The following CSMD1 variants were observed in gnomAD, a reference collection of about 807,000 sequenced individuals.
The protein encoded by CSMD1 is CUB and Sushi multiple domains 1, also known as CUB and sushi domain-containing protein 1.
In CSMD1, 213 loss-of-function variants were observed where a neutral mutation model predicts 417.5. The observed-to-expected ratio is 0.51, with a 90% CI of 0.46 to 0.57. The LOEUF (loss-of-function observed/expected upper bound fraction) is 0.57. CSMD1 is among the 20% of genes least tolerant of loss of function. The probability of loss-of-function intolerance (pLI) is 0.00; values close to 1 mark genes in which losing one functional copy is unlikely to be tolerated. For missense variants in CSMD1, 6,923 were observed against 4,529.7 expected (o/e 1.53, Z -15.17); for synonymous variants, 2,862 against 1,736.8 (o/e 1.65, Z -16.11).
chr8:4,616,225 C>G (rs147785717), intron 2 of CSMD1, among the ~76,000 whole-genome samples: 45 of 152,196 alleles, frequency 3.0e-4, no homozygotes, highest in African/African-American at 9.9e-4. Context: ...TACTTAGGAG[C>G]ACTTTGAGAA....
chr8:3,725,225 G>C (rs1183317645), intron 6 of CSMD1, among the ~76,000 whole-genome samples: 3 of 152,108 alleles, frequency 2.0e-5, no homozygotes, highest in Non-Finnish European at 4.4e-5. Flanking sequence ...GATTAGTGTT[G>C]CTAGGAAGGC....
chr8:3,790,507 T>C (rs1013427139), intron 5 of CSMD1, among the ~76,000 whole-genome samples: 3 of 152,210 alleles, frequency 2.0e-5, no homozygotes, highest in African/African-American at 7.2e-5. Flanking sequence ...ATGGTAATTA[T>C]GACGGTGATA....
At chr8:4,354,896 G>GTGTC (rs1414507040) in intron 3 of CSMD1, among the ~76,000 whole-genome samples, 1 of 150,096 alleles carries the variant, frequency 6.7e-6, no homozygotes, top group Non-Finnish European at 1.5e-5. Context: ...GTGTGTGTGT[G>GTGTC]TGTGTGTGTG....
At chr8:4,351,071 A>T (rs769220012) in intron 3 of CSMD1, among the ~76,000 whole-genome samples, 1 of 152,244 alleles carries the variant, frequency 6.6e-6, no homozygotes, top group Admixed American at 6.5e-5. Context: ...GTAATTCCAG[A>T]ACTTCAGGAG....
intron 18 of CSMD1, among the ~76,000 whole-genome samples, chr8:3,383,995 AT>A (rs1810804269): frequency 6.6e-6 from 1 of 152,146 alleles, no homozygotes; most frequent in Non-Finnish European, 1.5e-5. Flanking sequence ...GGATAATTTC[AT>A]TTATTTACAT....
At chr8:4,739,142 A>G (rs1034567182) in intron 1 of CSMD1, among the ~76,000 whole-genome samples, 13 of 152,226 alleles carry the variant, frequency 8.5e-5, no homozygotes, top group African/African-American at 2.9e-4. Flanking sequence ...ACACACACGC[A>G]TACACACACT....
chr8:3,807,273 T>G (rs1433496925), intron 5 of CSMD1, among the ~76,000 whole-genome samples: 1 of 152,184 alleles, frequency 6.6e-6, no homozygotes, highest in African/African-American at 2.4e-5. Context: ...AACAGAAACT[T>G]AAGCAACCTA....
chr8:2,986,006 G>C (rs940314793), intron 54 of CSMD1, among the ~76,000 whole-genome samples: 1 of 145,114 alleles, frequency 6.9e-6, no homozygotes, highest in Non-Finnish European at 1.5e-5. Context: ...AAGCGGAAGG[G>C]GAGAGAGGGA....
At chr8:3,960,382 C>T (rs1001443237) in intron 5 of CSMD1, among the ~76,000 whole-genome samples, 4 of 152,068 alleles carry the variant, frequency 2.6e-5, no homozygotes, top group Admixed American at 6.6e-5. Flanking sequence ...AAAAGCATGG[C>T]GTGAATGTCT....
chr8:3,400,663 C>G (rs1468790092), intron 15 of CSMD1, among the ~76,000 whole-genome samples: 1 of 151,772 alleles, frequency 6.6e-6, no homozygotes. Context: ...GAATGTTAAA[C>G]TTGAAAAGTG....
chr8:4,302,853 C>G (rs772868492), intron 3 of CSMD1, among the ~76,000 whole-genome samples: 1 of 152,060 alleles, frequency 6.6e-6, no homozygotes, highest in Non-Finnish European at 1.5e-5. Context: ...CCAGGACTAG[C>G]AGGCAGGACC....
chr8:3,312,263 T>C (rs1185215906), intron 23 of CSMD1, among the ~76,000 whole-genome samples: 1 of 152,204 alleles, frequency 6.6e-6, no homozygotes, highest in Non-Finnish European at 1.5e-5. Flanking sequence ...ACAGAAGAAT[T>C]AAGCCAAGTT....
At chr8:4,923,460 T>C (rs539070876) in intron 1 of CSMD1, among the ~76,000 whole-genome samples, 1 of 152,310 alleles carries the variant, frequency 6.6e-6, no homozygotes, top group East Asian at 1.9e-4. Flanking sequence ...TTATTTCATA[T>C]TACATGCCTG....
At chr8:3,431,003 T>G (rs936398514) in intron 12 of CSMD1, among the ~76,000 whole-genome samples, 1 of 152,176 alleles carries the variant, frequency 6.6e-6, no homozygotes, top group African/African-American at 2.4e-5. Flanking sequence ...TAAATCTCTC[T>G]TCTTGGTTTT....
chr8:4,430,098 G>C (rs1382455530), intron 2 of CSMD1, among the ~76,000 whole-genome samples: 2 of 152,144 alleles, frequency 1.3e-5, no homozygotes, highest in Non-Finnish European at 2.9e-5. Context: ...TTAAATCCCA[G>C]AAGTGAGGTT....
chr8:3,359,167 G>T lies in CSMD1; in HGVS notation c.3289C>A (p.Leu1097Met). The change falls in exon 21 of 70, where the codon CTG (leucine) becomes ATG (methionine). Residue 1097 changes from leucine (L) to methionine (M), a missense_variant. Coordinates refer to ENST00000635120, the MANE Select transcript of CSMD1 (RefSeq NM_033225.6). ...GGGRRVWSAP[L>M]PRCVAECGAS... The stretch of plus-strand genomic sequence containing the variant: ...GACCACCTACCCACACACCTTGGCA[G>T]AGGTGCACTCCACACACGGCGGCCC... 1 of 1,614,028 alleles carries T rather than the reference G, an allele frequency of 6.2e-7. No individual in the cohort carries two copies. Among genetic ancestry groups the T allele is most frequent in the Non-Finnish European group, 8.5e-7 (1 of 1,179,960 alleles).
intron 1 of CSMD1, among the ~76,000 whole-genome samples, chr8:4,959,191 G>A (rs966859040): frequency 2.0e-5 from 3 of 152,276 alleles, no homozygotes; most frequent in East Asian, 1.9e-4. Context: ...TTCCAAGTAC[G>A]TTCTGTTCAA....
At chr8:4,440,876 A>G (rs1782689022) in intron 2 of CSMD1, among the ~76,000 whole-genome samples, 1 of 151,708 alleles carries the variant, frequency 6.6e-6, no homozygotes, top group Non-Finnish European at 1.5e-5. Flanking sequence ...GAATGCCTAT[A>G]GTCCCAGCTA....
intron 4 of CSMD1, among the ~76,000 whole-genome samples, chr8:4,018,267 G>A (rs904162022): frequency 1.3e-5 from 2 of 152,006 alleles, no homozygotes; most frequent in African/African-American, 4.8e-5. Flanking sequence ...GTATTATGGT[G>A]TTTGAGAGTC....
Sources: allele counts gnomAD v4.1 joint callset (sites outside exome capture counted in the v4.1 genomes callset), GRCh38; gene constraint gnomAD v4.1.1; transcripts MANE v1.5; gene names NCBI Gene and HGNC (gene_info 2026-07-23, HGNC 2026-07-21).